METTL25: variants seen among roughly 807,000 people sequenced by gnomAD.
METTL25 encodes the protein probable methyltransferase-like protein 25.
Under a neutral mutation model 71.6 loss-of-function variants are expected in METTL25, and 64 were observed. That is an observed-to-expected ratio of 0.89 (90% CI 0.73 to 1.10). METTL25 has a LOEUF of 1.10. METTL25 is among the 50% of genes least tolerant of loss of function. The pLI, the probability that METTL25 is intolerant of heterozygous loss-of-function variation, is 0.00. For synonymous variants in METTL25, 287 were observed against 250.3 expected (o/e 1.15, Z -1.38); for missense variants, 807 against 707.0 (o/e 1.14, Z -1.60).
intron 10 of METTL25, 60 bp from the exon 11 acceptor site, chr12:82,477,221 A>G (rs1892924677): frequency 4.0e-6 from 3 of 749,414 alleles, no homozygotes; most frequent in Non-Finnish European, 6.5e-6. Flanking sequence ...GTTTAAGGAA[A>G]TAAGCTAGTC....
At chr12:82,383,310 G>A (rs1279415746) in intron 1 of METTL25, among the ~76,000 whole-genome samples, 1 of 144,094 alleles carries the variant, frequency 6.9e-6, no homozygotes, top group African/African-American at 2.6e-5. Flanking sequence ...AAGTAGCTGG[G>A]ACAATGCTTT....
At chr12:82,388,579 T>C (rs1323355969) in intron 2 of METTL25, among the ~76,000 whole-genome samples, 1 of 151,944 alleles carries the variant, frequency 6.6e-6, no homozygotes, top group Non-Finnish European at 1.5e-5. Flanking sequence ...TCCCCCAATG[T>C]ATAAAGTTTA....
chr12:82,407,921 C>T, intron 5 of METTL25: 6 of 984,816 alleles, frequency 6.1e-6, no homozygotes, highest in Non-Finnish European at 7.2e-6. Flanking sequence ...ATTTTTCTCA[C>T]TGTATCTTTG....
chr12:82,381,511 A>G (rs574592441), intron 1 of METTL25, among the ~76,000 whole-genome samples: 2 of 152,352 alleles, frequency 1.3e-5, no homozygotes, highest in East Asian at 3.9e-4. Context: ...GTGAGCTGAA[A>G]TAGCTTAGGC....
intron 3 of METTL25, among the ~76,000 whole-genome samples, chr12:82,393,386 A>G (rs1016574932): frequency 5.9e-5 from 9 of 151,880 alleles, no homozygotes; most frequent in African/African-American, 2.2e-4. Flanking sequence ...TTTTGTAGCT[A>G]TTGTAAATGA....
intron 1 of METTL25, among the ~76,000 whole-genome samples, chr12:82,365,910 G>A (rs542662226): frequency 1.3e-5 from 2 of 152,124 alleles, no homozygotes; most frequent in East Asian, 1.9e-4. Flanking sequence ...GTGAAACCCC[G>A]TCTCTACTAA....
At chr12:82,424,967 G>A (rs1888889061) in intron 5 of METTL25, among the ~76,000 whole-genome samples, 1 of 152,070 alleles carries the variant, frequency 6.6e-6, no homozygotes, top group South Asian at 2.1e-4. Context: ...CTGGCATCTA[G>A]ATTTGTGAGA....
chr12:82,358,913 C>G (rs1411302592), intron 1 of METTL25, 89 bp downstream of exon 1: 27 of 1,488,582 alleles, frequency 1.8e-5, no homozygotes, highest in African/African-American at 4.2e-5. Context: ...GCCAGCAGAA[C>G]CAGGTGCGTG....
intron 1 of METTL25, among the ~76,000 whole-genome samples, chr12:82,364,729 G>T (rs879388838): frequency 6.6e-6 from 1 of 152,188 alleles, no homozygotes; most frequent in Non-Finnish European, 1.5e-5. Flanking sequence ...ATACATGATT[G>T]TGATGGTTGT....
At chr12:82,414,509 C>T (rs965131261) in intron 5 of METTL25, among the ~76,000 whole-genome samples, 10 of 152,014 alleles carry the variant, frequency 6.6e-5, no homozygotes, top group Non-Finnish European at 8.8e-5. Flanking sequence ...GTTTTTGAAG[C>T]GCATGCAGAT....
intron 9 of METTL25, among the ~76,000 whole-genome samples, chr12:82,460,400 G>A (rs189044844): frequency 6.6e-6 from 1 of 152,248 alleles, no homozygotes; most frequent in Non-Finnish European, 1.5e-5. Context: ...TTTTCCAAGA[G>A]CATAGTATGT....
rs1369647255 is a variant in METTL25 at position 82,451,394 on chromosome 12, G to T, written c.1479-5333G>T. The T allele has an allele frequency of 1.9e-5, 6 of 321,804 alleles. No homozygotes were observed. In the Admixed American group the frequency reaches 3.2e-4, roughly 17 times the overall value. 19.9% of individuals were successfully genotyped at this position (321,804 alleles called of 1,614,324 possible). On this transcript the variant is annotated intron_variant, in intron 8 of 11. Coordinates refer to ENST00000248306, the MANE Select transcript of METTL25 (RefSeq NM_032230.3). ...ACTGCATCATATCACTGTGGTCGTG[G>T]TCATATTATTTTATATCTTTTTGCC...
intron 9 of METTL25, among the ~76,000 whole-genome samples, chr12:82,472,537 G>A (rs937637995): frequency 1.3e-5 from 2 of 152,168 alleles, no homozygotes; most frequent in African/African-American, 4.8e-5. Flanking sequence ...GGCGGAGTTT[G>A]CAGTGAGCCG....
chr12:82,474,080 A>AT (rs1892735262), intron 9 of METTL25, among the ~76,000 whole-genome samples: 2 of 152,154 alleles, frequency 1.3e-5, no homozygotes, highest in African/African-American at 4.8e-5. Context: ...ATCTGGGACA[A>AT]TGCAGCTGTG....
intron 5 of METTL25, among the ~76,000 whole-genome samples, chr12:82,420,122 G>T (rs1327436587): frequency 6.6e-6 from 1 of 152,132 alleles, no homozygotes; most frequent in Non-Finnish European, 1.5e-5. Flanking sequence ...GAAAAATACT[G>T]CATGATCTCA....
At chr12:82,403,206 C>T (rs1297891954) in intron 5 of METTL25, 76 bp downstream of exon 5, 37 of 1,427,064 alleles carry the variant, frequency 2.6e-5, no homozygotes, top group Non-Finnish European at 3.4e-5. Context: ...TTCTATTTCT[C>T]CCCGTTTTTT....
At chr12:82,466,297 C>T (rs1159070848) in intron 9 of METTL25, among the ~76,000 whole-genome samples, 1 of 148,576 alleles carries the variant, frequency 6.7e-6, no homozygotes, top group Non-Finnish European at 1.5e-5. Context: ...TTTCTGTTTT[C>T]CATTGTTTCA....
At chr12:82,456,291 A>G (rs777427148) in intron 8 of METTL25, among the ~76,000 whole-genome samples, 4 of 151,868 alleles carry the variant, frequency 2.6e-5, no homozygotes, top group African/African-American at 7.2e-5. Context: ...ATCTCATTAT[A>G]TGGGGCTTGA....
In METTL25 at chr12:82,369,116, T is replaced by A. The variant is rs111332080; in HGVS notation, c.259+10292T>A. ...TCCTGTTTGTTTAGAGCTTTCCTAC[T>A]CCCATCTATATAATAAATATTCACT... On this transcript the variant is annotated intron_variant, in intron 1 of 11. Transcript: ENST00000248306. Among the ~76,000 whole-genome samples, 410 of 152,304 alleles carry A rather than the reference T, an allele frequency of 2.7e-3. 3 individuals are homozygous for A. The highest frequency in any genetic ancestry group is 9.3e-3 in the African/African-American group (386 of 41,556).
Sources: allele counts gnomAD v4.1 joint callset (sites outside exome capture counted in the v4.1 genomes callset), GRCh38; gene constraint gnomAD v4.1.1; transcripts MANE v1.5; gene names NCBI Gene and HGNC (gene_info 2026-07-23, HGNC 2026-07-21).